Variants in EPB41L1 observed in about 807,000 individuals in gnomAD.
EPB41L1 encodes the protein band 4.1-like protein 1.
EPB41L1 carries 29 observed loss-of-function variants against 97.8 expected under a neutral mutation model. That is an observed-to-expected ratio of 0.30 (90% confidence interval 0.22 to 0.40). The LOEUF is 0.40. EPB41L1 is among the 10% of genes least tolerant of loss of function. The probability of loss-of-function intolerance (pLI) is 1.00; values close to 1 mark genes in which losing one functional copy is unlikely to be tolerated. For missense variants in EPB41L1, 812 were observed against 1,162.3 expected, an observed-to-expected ratio of 0.70 and a Z score of 4.38; for synonymous variants, 383 against 459.2, an observed-to-expected ratio of 0.83 and a Z score of 2.12.
upstream of EPB41L1, chr20:36,152,318 G>A (rs1390188371): frequency 2.0e-5 from 3 of 152,364 alleles, no homozygotes; most frequent in South Asian, 2.1e-4. Context: ...AATGCAGAAC[G>A]ATGTCTGGGA....
intron 21 of EPB41L1, among the ~76,000 whole-genome samples, chr20:36,225,618 C>T (rs1385491892): frequency 2.0e-5 from 3 of 152,210 alleles, no homozygotes; most frequent in African/African-American, 7.2e-5. Context: ...ACTCGGTTTC[C>T]TCACTTGCAA....
chr20:36,172,062 G>A (rs896121768), intron 1 of EPB41L1, among the ~76,000 whole-genome samples: 4 of 152,062 alleles, frequency 2.6e-5, no homozygotes, highest in African/African-American at 9.7e-5. Context: ...AAAAAAGTAC[G>A]TATGTATATT....
intron 1 of EPB41L1, among the ~76,000 whole-genome samples, chr20:36,101,378 G>C (rs991177346): frequency 1.3e-5 from 2 of 152,110 alleles, no homozygotes; most frequent in African/African-American, 4.8e-5. Context: ...TGTCACTCAG[G>C]AATCTGGGCA....
In EPB41L1 at chr20:36,093,066, C is replaced by G. The variant is rs1414161600; in HGVS notation, c.-65+1454C>G. On this transcript the variant is annotated intron_variant, in intron 1 of 19. Coordinates refer to the EPB41L1 transcript ENST00000202028. This position sits in a 1 kb window ranked among gnomAD's most constrained non-coding sequence, Gnocchi z 5.4. The stretch of plus-strand genomic sequence containing the variant: ...GCGCGCGTGTGCCCGTGGATCCGTG[C>G]GAGCGGCTGCTCGGTGTGCGCGCGC... 1 of 152,518 alleles carries G rather than the reference C, an allele frequency of 6.6e-6. No individual in the cohort carries two copies. Among genetic ancestry groups the G allele is most frequent in the Non-Finnish European group, 1.5e-5 (1 of 68,596 alleles). 9.4% of individuals were successfully genotyped at this position (152,518 alleles called of 1,614,324 possible).
At chr20:36,166,435 ATGT>A (rs1039892636) in intron 1 of EPB41L1, among the ~76,000 whole-genome samples, 2 of 152,212 alleles carry the variant, frequency 1.3e-5, no homozygotes, top group African/African-American at 4.8e-5. Flanking sequence ...ACAAATGATA[ATGT>A]TGTTTTTATT....
intron 1 of EPB41L1, among the ~76,000 whole-genome samples, chr20:36,169,591 CT>C (rs2060894578): frequency 6.6e-6 from 1 of 152,236 alleles, no homozygotes; most frequent in South Asian, 2.1e-4. Context: ...GCTTCTCACT[CT>C]GAAGTGCCAG....
At chr20:36,100,863 C>G (rs550826281) in intron 1 of EPB41L1, among the ~76,000 whole-genome samples, 1 of 152,142 alleles carries the variant, frequency 6.6e-6, no homozygotes, top group Admixed American at 6.5e-5. Context: ...GCAGCACCTC[C>G]GGGACTGGCC....
chr20:36,172,674 T>C (rs1052373754), intron 1 of EPB41L1, among the ~76,000 whole-genome samples: 4 of 151,958 alleles, frequency 2.6e-5, no homozygotes, highest in Admixed American at 2.6e-4. Context: ...AATCTCAGCT[T>C]ACTGCAACCT....
chr20:36,172,937 TTC>T (rs1236543222), intron 1 of EPB41L1, among the ~76,000 whole-genome samples: 1 of 152,090 alleles, frequency 6.6e-6, no homozygotes, highest in African/African-American at 2.4e-5. Context: ...GACCATGCCA[TTC>T]TCTCTCTCTC....
At position 36,190,180 on chromosome 20, in the gene EPB41L1, A is replaced by G. The variant is rs2061885351; in HGVS notation, c.1027-97A>G. 9.5e-7 allele frequency: 1 copy of G among 1,050,388 alleles called. No individual in the cohort carries two copies. Among genetic ancestry groups the G allele is most frequent in the Non-Finnish European group, 1.4e-6 (1 of 690,566 alleles). 65.1% of individuals were successfully genotyped at this position (1,050,388 alleles called of 1,614,324 possible). On this transcript the variant is annotated intron_variant, in intron 9 of 21. Coordinates refer to ENST00000338074, the MANE Select transcript of EPB41L1 (RefSeq NM_012156.2). The surrounding 1 kb of genome is among the most constrained non-coding windows in gnomAD (Gnocchi z 5.8). ...AAATGATCGAGACCCTGTGTCTCAA[A>G]AAAACATTAAACAAATAAAATAAAA...
rs140677677 is a variant in EPB41L1, at chr20:36,209,795, G to A, written c.1976G>A (p.Arg659Gln). 34 of 1,613,796 alleles carry A rather than the reference G, an allele frequency of 2.1e-5. No homozygotes were observed. The highest frequency in any genetic ancestry group is 1.6e-4 in the Middle Eastern group (1 of 6,080). ...DSDTEGLLFS[R>Q]DLNKGAPSQD... Reference sequence around the variant, plus strand: ...GACACTGAGGGCCTGCTGTTCTCCCGGGATCTCAACAAGGGGGCCCCCAGC... The same window carrying A: ...GACACTGAGGGCCTGCTGTTCTCCCAGGATCTCAACAAGGGGGCCCCCAGC... Residue 659 changes from arginine to glutamine, a missense_variant, in exon 15 of 22, where the codon CGG (arginine) becomes CAG (glutamine). Arg to Gln is a conservative substitution (Grantham distance 43). Coordinates refer to ENST00000338074, the MANE Select transcript of EPB41L1 (RefSeq NM_012156.2). The surrounding 1 kb of genome is among the most constrained non-coding windows in gnomAD (Gnocchi z 4.2).
At chr20:36,107,120 T>C (rs966137398) in intron 1 of EPB41L1, among the ~76,000 whole-genome samples, 4 of 152,096 alleles carry the variant, frequency 2.6e-5, no homozygotes, top group African/African-American at 9.7e-5. Context: ...TTAATTTTAT[T>C]TGATTTTAAC....
At chr20:36,142,088 A>G (rs1480755412) in intron 2 of EPB41L1, among the ~76,000 whole-genome samples, 3 of 151,588 alleles carry the variant, frequency 2.0e-5, no homozygotes, top group African/African-American at 7.3e-5. Flanking sequence ...CAGCCTGGGC[A>G]ATAGAGCAAA....
At position 36,222,382 on chromosome 20, in the gene EPB41L1, C is replaced by T; in HGVS notation, c.2625C>T (p.Asp875=). The change falls in exon 21 of 22, where the codon GAC becomes GAT. Residue 875 remains aspartate, a synonymous_variant. Transcript: ENST00000338074. ...RETDPSPEER[D]KKPQES ...CAGACCCATCCCCAGAGGAGAGGGACAAGAAGCCACAGGTAAGGCTCCTGA... is the reference window on the plus strand; with the variant it reads ...CAGACCCATCCCCAGAGGAGAGGGATAAGAAGCCACAGGTAAGGCTCCTGA... The T allele has an allele frequency of 1.2e-6, 2 of 1,613,542 alleles. No homozygotes were observed. The highest frequency in any genetic ancestry group is 1.7e-6 in the Non-Finnish European group (2 of 1,179,684).
At chr20:36,175,496 A>G in intron 2 of EPB41L1, 55 bp from the exon 3 acceptor site, 1 of 1,607,496 alleles carries the variant, frequency 6.2e-7, no homozygotes, top group Middle Eastern at 1.7e-4. Context: ...TACTTATATG[A>G]AAGGCCATGG....
intron 17 of EPB41L1, among the ~76,000 whole-genome samples, chr20:36,214,934 A>G (rs1237336416): frequency 6.6e-6 from 1 of 151,728 alleles, no homozygotes; most frequent in Non-Finnish European, 1.5e-5. Flanking sequence ...GAGGGACCTC[A>G]TGGTTCTGCT....
intron 2 of EPB41L1, among the ~76,000 whole-genome samples, chr20:36,112,825 C>G (rs1246692321): frequency 6.6e-6 from 1 of 152,212 alleles, no homozygotes; most frequent in African/African-American, 2.4e-5. Context: ...TTCACCACTC[C>G]TAGGTCGTAG....
Position 36,222,405 on chromosome 20 carries a change from T to C in EPB41L1, c.2637+11T>C. 1.2e-6 allele frequency: 2 copies of C among 1,601,176 alleles called. No homozygotes were observed. The highest frequency in any genetic ancestry group is 1.7e-6 in the Non-Finnish European group (2 of 1,168,680). On this transcript the variant is annotated intron_variant, in intron 21 of 21. Coordinates refer to ENST00000338074, the MANE Select transcript of EPB41L1 (RefSeq NM_012156.2). ...GACAAGAAGCCACAGGTAAGGCTCC[T>C]GAGGCCCAGCAACCATGAGAGAGAG... is the stretch of plus-strand genomic sequence containing the variant.
chr20:36,172,468 G>T (rs1422268009), intron 1 of EPB41L1, among the ~76,000 whole-genome samples: 1 of 152,088 alleles, frequency 6.6e-6, no homozygotes, highest in Non-Finnish European at 1.5e-5. Context: ...CAGTTCCCAG[G>T]GATCTCTTTC....
Sources: gnomAD v4.1 joint callset for allele counts (sites outside exome capture counted in the v4.1 genomes callset) on GRCh38, gnomAD v4.1.1 for gene constraint, Gnocchi (gnomAD v3.1) non-coding constraint, MANE v1.5 for transcripts, NCBI Gene and HGNC (gene_info 2026-07-23, HGNC 2026-07-21) for gene names.